The following GRID2 variants were observed in gnomAD, a reference collection of about 807,000 sequenced individuals.
The protein encoded by GRID2 is glutamate receptor ionotropic, delta-2.
GRID2 carries 33 observed loss-of-function variants against 114.8 expected under a neutral mutation model. That is an observed-to-expected ratio of 0.29 (90% CI 0.22 to 0.38). The LOEUF (loss-of-function observed/expected upper bound fraction) is 0.38, where lower values mean the gene tolerates loss of function less well. Among genes scored for constraint, GRID2 ranks in the 10% least tolerant of loss-of-function variants. The pLI, the probability that GRID2 is intolerant of heterozygous loss-of-function variation, is 1.00. For missense variants in GRID2, 1,184 were observed against 1,257.7 expected (o/e 0.94, Z 0.89); for synonymous variants, 505 against 449.9 (o/e 1.12, Z -1.55).
At chr4:92,618,341 G>C (rs1730107086) in intron 2 of GRID2, among the ~76,000 whole-genome samples, 1 of 151,578 alleles carries the variant, frequency 6.6e-6, no homozygotes, top group Non-Finnish European at 1.5e-5. Flanking sequence ...TAATTTCTGG[G>C]TTCTCTTTTC....
At chr4:93,652,911 C>T (rs1722714539) in intron 14 of GRID2, among the ~76,000 whole-genome samples, 1 of 150,854 alleles carries the variant, frequency 6.6e-6, no homozygotes, top group African/African-American at 2.4e-5. Context: ...ACACAAAGGA[C>T]ATGGGGACTT....
chr4:93,694,894 C>T (rs1309948426), intron 14 of GRID2, among the ~76,000 whole-genome samples: 11 of 151,604 alleles, frequency 7.3e-5, no homozygotes, highest in Non-Finnish European at 1.0e-4. Context: ...GAATGGTGGC[C>T]GGGGCGGTGG....
intron 2 of GRID2, among the ~76,000 whole-genome samples, chr4:92,787,481 A>T (rs549025552): frequency 7.2e-5 from 11 of 151,936 alleles, no homozygotes; most frequent in African/African-American, 2.4e-4. Context: ...TTGAAGGAAG[A>T]CAAGTTCAGG....
chr4:92,909,466 T>G (rs555230919), intron 2 of GRID2, among the ~76,000 whole-genome samples: 56 of 152,064 alleles, frequency 3.7e-4, no homozygotes, highest in Non-Finnish European at 5.7e-4. Context: ...TCTAAAATAT[T>G]TTTTACATAG....
intron 2 of GRID2, among the ~76,000 whole-genome samples, chr4:92,732,426 T>C (rs1297290419): frequency 1.3e-5 from 2 of 152,020 alleles, no homozygotes; most frequent in Non-Finnish European, 2.9e-5. Flanking sequence ...AAAATGATAA[T>C]ATATGACAAG....
intron 2 of GRID2, among the ~76,000 whole-genome samples, chr4:92,943,580 G>A (rs923028046): frequency 5.3e-5 from 8 of 151,990 alleles, no homozygotes; most frequent in South Asian, 2.1e-4. Context: ...CTCTCAACTC[G>A]TCAAAGTCAT....
chr4:93,507,895 G>A (rs997561294), intron 12 of GRID2, among the ~76,000 whole-genome samples: 1 of 152,102 alleles, frequency 6.6e-6, no homozygotes, highest in African/African-American at 2.4e-5. Flanking sequence ...GAGGTTCAAT[G>A]AAGCTTGCCC....
At chr4:93,781,399 G>A (rs957120787) in intron 1 of GRID2, among the ~76,000 whole-genome samples, 1 of 150,572 alleles carries the variant, frequency 6.6e-6, no homozygotes, top group African/African-American at 2.4e-5. Context: ...GAGGGGCTGC[G>A]GTGAGGCCTA....
At chr4:92,354,023 C>T (rs1249387369) in intron 1 of GRID2, among the ~76,000 whole-genome samples, 6 of 151,940 alleles carry the variant, frequency 3.9e-5, no homozygotes, top group Non-Finnish European at 5.9e-5. Flanking sequence ...ATGTGAGTTC[C>T]GATTTAGGCA....
At chr4:93,467,093 T>C (rs1724354396) in intron 11 of GRID2, among the ~76,000 whole-genome samples, 1 of 152,202 alleles carries the variant, frequency 6.6e-6, no homozygotes, top group Non-Finnish European at 1.5e-5. Flanking sequence ...TGAAAACAAA[T>C]TCTCAGTAAC....
At chr4:92,410,763 A>T (rs1731258160) in intron 1 of GRID2, among the ~76,000 whole-genome samples, 1 of 151,532 alleles carries the variant, frequency 6.6e-6, no homozygotes, top group Admixed American at 6.6e-5. Context: ...TTCAGAAAAA[A>T]TTGTATATTT....
chr4:93,415,435 C>A (rs1767609203), intron 9 of GRID2, among the ~76,000 whole-genome samples: 1 of 152,052 alleles, frequency 6.6e-6, no homozygotes, highest in South Asian at 2.1e-4. Flanking sequence ...ATCCAGCACT[C>A]ATACTCAAAA....
rs1168619258 is a variant in GRID2, at chr4:93,604,384, G to A, written c.2194-21885G>A. ...AACGTAGCTGAATTGCTGCAATCTT[G>A]TGATGAAATTTGAATGAATAAGGAG... On this transcript the variant is annotated intron_variant, in intron 13 of 15. Coordinates refer to ENST00000282020, the MANE Select transcript of GRID2 (RefSeq NM_001510.4). Among the ~76,000 whole-genome samples the A allele has an allele frequency of 2.6e-5, 4 of 152,212 alleles. No individual in the cohort carries two copies. In the East Asian group the frequency reaches 7.7e-4, roughly 29 times the overall value.
intron 2 of GRID2, among the ~76,000 whole-genome samples, chr4:92,895,367 A>G (rs1747085652): frequency 6.8e-6 from 1 of 147,134 alleles, no homozygotes; most frequent in Non-Finnish European, 1.5e-5. Flanking sequence ...GCTTGAATTG[A>G]CACATCATGT....
At chr4:93,107,038 G>A (rs1166589486) in intron 3 of GRID2, among the ~76,000 whole-genome samples, 1 of 152,150 alleles carries the variant, frequency 6.6e-6, no homozygotes, top group Non-Finnish European at 1.5e-5. Flanking sequence ...GGTGGCTTAT[G>A]CCTGTAATCC....
At chr4:92,621,896 G>A (rs1166254706) in intron 2 of GRID2, among the ~76,000 whole-genome samples, 1 of 151,754 alleles carries the variant, frequency 6.6e-6, no homozygotes, top group African/African-American at 2.4e-5. Context: ...ATTTTCTGAA[G>A]AAAGAGAAAA....
chr4:93,259,066 T>C, intron 8 of GRID2: 1 of 322,962 alleles, frequency 3.1e-6, no homozygotes, highest in Non-Finnish European at 6.3e-6. Context: ...ATAGAGATGC[T>C]TTGCCTATTT....
At chr4:92,418,715 G>A (rs1449993441) in intron 1 of GRID2, among the ~76,000 whole-genome samples, 1 of 151,972 alleles carries the variant, frequency 6.6e-6, no homozygotes, top group Non-Finnish European at 1.5e-5. Context: ...TCAAGTTTGG[G>A]TCTCCTCCTT....
chr4:92,389,044 A>G (rs1228204393), intron 1 of GRID2, among the ~76,000 whole-genome samples: 1 of 152,068 alleles, frequency 6.6e-6, no homozygotes, highest in African/African-American at 2.4e-5. Flanking sequence ...AGTTTGTCAA[A>G]CATATCTGCA....
Sources: allele counts gnomAD v4.1 joint callset (sites outside exome capture counted in the v4.1 genomes callset), GRCh38; gene constraint gnomAD v4.1.1; transcripts MANE v1.5; gene names NCBI Gene and HGNC (gene_info 2026-07-23, HGNC 2026-07-21).